Variants in SUMF1 observed in about 807,000 individuals in gnomAD.
SUMF1 encodes sulfatase modifying factor 1.
A neutral mutation model predicts 47.6 loss-of-function variants in SUMF1; 48 were observed. The observed-to-expected ratio is 1.01, with a 90% confidence interval of 0.80 to 1.28. The LOEUF is 1.28. SUMF1 is among the 50% of genes most tolerant of loss of function. SUMF1 has a pLI of 0.00. For missense variants in SUMF1, 571 were observed against 485.4 expected (o/e 1.18, Z -1.66); for synonymous variants, 230 against 192.1 (o/e 1.20, Z -1.63).
At chr3:4,188,159 A>G (rs1695241837) in intron 8 of SUMF1, among the ~76,000 whole-genome samples, 1 of 148,866 alleles carries the variant, frequency 6.7e-6, no homozygotes, top group Non-Finnish European at 1.5e-5. Flanking sequence ...CCCAAAGTCC[A>G]TAGTTTACAT....
intron 9 of SUMF1, among the ~76,000 whole-genome samples, chr3:4,038,363 C>T (rs567344284): frequency 6.6e-6 from 1 of 152,236 alleles, no homozygotes; most frequent in Admixed American, 6.5e-5. Context: ...TGGCCTCCTC[C>T]CCATAGGTCG....
chr3:4,381,401 G>T (rs1700500653), intron 7 of SUMF1, among the ~76,000 whole-genome samples: 1 of 152,118 alleles, frequency 6.6e-6, no homozygotes, highest in Non-Finnish European at 1.5e-5. Context: ...CTGCTCGGGT[G>T]GGGGTGCACC....
chr3:4,184,722 C>T lies in SUMF1; in HGVS notation c.1015-115977G>A, dbSNP rs563806600. Reference sequence around the variant, plus strand: ...AGAGTATAGTGGTGTGATCTCGGCTCACTGCAACCTCCGCCTCCCGGGTTC... The same window carrying T: ...AGAGTATAGTGGTGTGATCTCGGCTTACTGCAACCTCCGCCTCCCGGGTTC... On this transcript the variant is annotated intron_variant and NMD_transcript_variant, in intron 8 of 12. Transcript: ENST00000448413. Among the ~76,000 whole-genome samples the T allele has an allele frequency of 7.1e-4, 100 of 140,604 alleles. No individual in the cohort carries two copies. The South Asian group carries it at 0.022, about 31-fold the overall frequency. 92.2% of individuals were successfully genotyped at this position (140,604 alleles called of 152,430 possible).
chr3:4,289,122 G>A (rs990549707), intron 8 of SUMF1, among the ~76,000 whole-genome samples: 1 of 152,168 alleles, frequency 6.6e-6, no homozygotes, highest in African/African-American at 2.4e-5. Context: ...AACCAGAACT[G>A]AACAACACTG....
At chr3:4,267,061 C>G (rs1697210553) in intron 8 of SUMF1, among the ~76,000 whole-genome samples, 1 of 152,136 alleles carries the variant, frequency 6.6e-6, no homozygotes. Flanking sequence ...AGCCTTGCAT[C>G]CCAGGGATGA....
At chr3:4,229,101 A>T (rs1696240276) in intron 8 of SUMF1, among the ~76,000 whole-genome samples, 2 of 152,156 alleles carry the variant, frequency 1.3e-5, no homozygotes, top group African/African-American at 4.8e-5. Context: ...CCAGGAATAT[A>T]AACTCCAAGT....
chr3:4,207,723 A>C (rs1164591416), intron 8 of SUMF1, among the ~76,000 whole-genome samples: 1 of 152,114 alleles, frequency 6.6e-6, no homozygotes, highest in Non-Finnish European at 1.5e-5. Context: ...ACTATTCTTA[A>C]ATTCATCAAA....
rs35525082 is a variant in SUMF1 at position 4,373,994 on chromosome 3, T to TAA, written c.1014+2334_1014+2335dup. On this transcript the variant is annotated intron_variant, in intron 8 of 8. Coordinates refer to ENST00000272902, the MANE Select transcript of SUMF1 (RefSeq NM_182760.4). ...CAGCAAAATCTACATCCATTGCTGA[T>TAA]AAAAAACTCTAAAAAATTAGCAATG... Among the ~76,000 whole-genome samples the TAA allele has an allele frequency of 3.8e-3, 572 of 151,980 alleles. 5 individuals carry two copies. The highest frequency in any genetic ancestry group is 0.013 in the African/African-American group (541 of 41,436).
intron 2 of SUMF1, among the ~76,000 whole-genome samples, chr3:4,451,942 C>T (rs1415989266): frequency 2.0e-5 from 3 of 152,120 alleles, no homozygotes; most frequent in Non-Finnish European, 4.4e-5. Flanking sequence ...CTCAGCCTCC[C>T]AACGTGCTGA....
At chr3:4,203,380 T>A (rs887955498) in intron 8 of SUMF1, among the ~76,000 whole-genome samples, 16 of 152,058 alleles carry the variant, frequency 1.1e-4, no homozygotes, top group Non-Finnish European at 2.2e-4. Flanking sequence ...TAAATCCATT[T>A]TATGTAATAT....
At chr3:4,407,874 G>A (rs1256364991) in intron 7 of SUMF1, among the ~76,000 whole-genome samples, 1 of 152,164 alleles carries the variant, frequency 6.6e-6, no homozygotes, top group African/African-American at 2.4e-5. Context: ...GAGGATCTAT[G>A]GTAAAACCCC....
At chr3:4,346,831 A>G (rs895338233) in intron 8 of SUMF1, among the ~76,000 whole-genome samples, 4 of 152,092 alleles carry the variant, frequency 2.6e-5, no homozygotes, top group Admixed American at 6.6e-5. Context: ...TAGATGCAAT[A>G]AAAAAATGAT....
At chr3:4,105,499 G>A (rs986201754) in intron 8 of SUMF1, among the ~76,000 whole-genome samples, 3 of 151,930 alleles carry the variant, frequency 2.0e-5, no homozygotes, top group Admixed American at 6.6e-5. Context: ...TTTGGAAGAA[G>A]GAACATCATT....
chr3:4,350,448 C>T (rs1699476470), intron 8 of SUMF1, among the ~76,000 whole-genome samples: 2 of 151,482 alleles, frequency 1.3e-5, no homozygotes, highest in Non-Finnish European at 1.5e-5. Flanking sequence ...TTTGTAAATA[C>T]GTTTTTAAAA....
intron 8 of SUMF1, among the ~76,000 whole-genome samples, chr3:4,148,850 C>G (rs545336660): frequency 2.4e-4 from 37 of 152,234 alleles, no homozygotes; most frequent in Non-Finnish European, 4.6e-4. Flanking sequence ...TTGGAAGGAC[C>G]TTTACACAAG....
chr3:4,286,874 G>C (rs975061249), intron 8 of SUMF1, among the ~76,000 whole-genome samples: 21 of 152,062 alleles, frequency 1.4e-4, no homozygotes, highest in African/African-American at 5.1e-4. Context: ...CAATGCAATG[G>C]GTGTATCACT....
At chr3:4,424,594 T>C (rs575917279) in intron 3 of SUMF1, among the ~76,000 whole-genome samples, 1 of 25,150 alleles carries the variant, frequency 4.0e-5, no homozygotes, top group Admixed American at 4.8e-4. Flanking sequence ...AGTTTCTAAC[T>C]TAAAATTACA....
intron 8 of SUMF1, among the ~76,000 whole-genome samples, chr3:4,306,553 C>G (rs1020331737): frequency 1.3e-5 from 2 of 152,104 alleles, no homozygotes; most frequent in Non-Finnish European, 2.9e-5. Context: ...GTTAGAGTTA[C>G]AAAAATAAGA....
chr3:4,357,197 T>C (rs1688413), downstream of SUMF1, among the ~76,000 whole-genome samples: 62,959 of 151,840 alleles, frequency 0.41, 15,943 homozygotes, highest in African/African-American at 0.7. Flanking sequence ...ACAGATATGC[T>C]AAATATTTAA....
Sources: allele counts gnomAD v4.1 joint callset (sites outside exome capture counted in the v4.1 genomes callset), GRCh38; gene constraint gnomAD v4.1.1; transcripts MANE v1.5; gene names NCBI Gene and HGNC (gene_info 2026-07-23, HGNC 2026-07-21).